Variants in DYNC2H1 observed in about 807,000 individuals in gnomAD.
The protein encoded by DYNC2H1 is cytoplasmic dynein 2 heavy chain 1.
DYNC2H1 carries 410 observed loss-of-function variants against 570.0 expected under a neutral mutation model. The observed-to-expected ratio is 0.72, with a 90% confidence interval of 0.66 to 0.78. DYNC2H1 has a LOEUF of 0.78. Among genes scored for constraint, DYNC2H1 ranks in the 30% least tolerant of loss-of-function variants. The pLI, the probability that DYNC2H1 is intolerant of heterozygous loss-of-function variation, is 0.00. For synonymous variants in DYNC2H1, 1,688 were observed against 1,677.6 expected, an observed-to-expected ratio of 1.01 and a Z score of -0.15; for missense variants, 4,865 against 5,046.4, an observed-to-expected ratio of 0.96 and a Z score of 1.09.
At chr11:103,405,259 A>C (rs1235861650) in intron 84 of DYNC2H1, 1 of 151,788 alleles carries the variant, frequency 6.6e-6, no homozygotes, top group Non-Finnish European at 1.5e-5. Flanking sequence ...ACTGGGAGAG[A>C]AAGGAGGAGA....
chr11:103,410,658 G>A (rs893508418), intron 84 of DYNC2H1, among the ~76,000 whole-genome samples: 4 of 152,072 alleles, frequency 2.6e-5, no homozygotes, highest in Non-Finnish European at 4.4e-5. Context: ...CTTAGCTGTC[G>A]TGTCTTCAGG....
Position 103,233,868 on chromosome 11 carries a change from GTGTGTGTGTGGGTT to G in DYNC2H1, c.9441-162_9441-149del, listed in dbSNP as rs1324030723. 1.6e-4 allele frequency among the ~76,000 whole-genome samples: 19 copies of G among 115,576 alleles called. No individual in the cohort carries two copies. In the East Asian group the frequency reaches 4.1e-3, roughly 25 times the overall value. 75.8% of individuals were successfully genotyped at this position (115,576 alleles called of 152,430 possible). ...TGTGTGTGTGTGTGTGTGTGTGTGTGTGTGTGTGTGGGTTTGTCTCTTCTATTAATGATACTTTG... is the reference window on the plus strand; with the variant it reads ...TGTGTGTGTGTGTGTGTGTGTGTGTGTGTCTCTTCTATTAATGATACTTTG... On this transcript the variant is annotated intron_variant, in intron 60 of 88. Transcript: ENST00000375735.
chr11:103,357,452 A>C (rs1940402996), intron 82 of DYNC2H1, among the ~76,000 whole-genome samples: 1 of 152,230 alleles, frequency 6.6e-6, no homozygotes, highest in African/African-American at 2.4e-5. Flanking sequence ...TAAATAACTT[A>C]TCAACCAGTA....
rs987893595 is a variant in DYNC2H1, at chr11:103,151,498, T to C, written c.2947-638T>C. ...TTATTGAATAGTAAAAGTACAGATA[T>C]TAATTATAGGATACTGTTGTTTTAC... On this transcript the variant is annotated intron_variant, in intron 20 of 88. Coordinates refer to ENST00000375735, the MANE Select transcript of DYNC2H1 (RefSeq NM_001377.3). This position sits in a 1 kb window ranked among gnomAD's most constrained non-coding sequence, Gnocchi z 4.6. Among the ~76,000 whole-genome samples, 9 of 152,166 alleles carry C rather than the reference T, an allele frequency of 5.9e-5. No homozygotes were observed. Among genetic ancestry groups the C allele is most frequent in the African/African-American group, 2.2e-4 (9 of 41,446 alleles).
Position 103,168,837 on chromosome 11 carries a change from A to G in DYNC2H1, c.4845A>G (p.Gln1615=). The G allele has an allele frequency of 6.2e-7, 1 of 1,613,372 alleles. No individual in the cohort carries two copies. The highest frequency in any genetic ancestry group is 8.5e-7 in the Non-Finnish European group (1 of 1,179,576). The change falls in exon 32 of 89, where the codon CAA becomes CAG. Residue 1615 remains glutamine (Q), a synonymous_variant. Coordinates refer to ENST00000375735, the MANE Select transcript of DYNC2H1 (RefSeq NM_001377.3). ...HNIDVVKQLN[Q]IQVHTTEDWA... is the part of the protein sequence containing the mutation. Reference sequence around the variant, plus strand: ...TTGATGTGGTAAAGCAGTTAAACCAAATTCAGGTTCATACAACTGAAGACT... The same window carrying G: ...TTGATGTGGTAAAGCAGTTAAACCAGATTCAGGTTCATACAACTGAAGACT...
At chr11:103,350,038 G>A (rs1939969303) in intron 82 of DYNC2H1, among the ~76,000 whole-genome samples, 1 of 152,036 alleles carries the variant, frequency 6.6e-6, no homozygotes, top group Non-Finnish European at 1.5e-5. Context: ...GTTTTGGGGG[G>A]ATATGGATTC....
intron 45 of DYNC2H1, among the ~76,000 whole-genome samples, chr11:103,190,053 T>C (rs966284754): frequency 6.6e-6 from 1 of 152,298 alleles, no homozygotes; most frequent in Admixed American, 6.5e-5. Context: ...TGGTAGATGG[T>C]TATTCTGCTG....
At position 103,384,300 on chromosome 11, in the gene DYNC2H1, A is replaced by G. The variant is rs532955912; in HGVS notation, c.12157-15363A>G. On this transcript the variant is annotated intron_variant, in intron 83 of 88. Coordinates refer to ENST00000375735, the MANE Select transcript of DYNC2H1 (RefSeq NM_001377.3). ...TCCCTTTAGCGCTTATGTTTTTCCTATTTTTCTGATATTAATATGTCAGTT... is the reference window on the plus strand; with the variant it reads ...TCCCTTTAGCGCTTATGTTTTTCCTGTTTTTCTGATATTAATATGTCAGTT... Among the ~76,000 whole-genome samples the G allele has an allele frequency of 3.4e-4, 52 of 151,554 alleles. No homozygotes were observed. The South Asian group carries it at 0.011, about 31-fold the overall frequency.
chr11:103,375,092 C>A (rs1318018331), intron 83 of DYNC2H1, among the ~76,000 whole-genome samples: 5 of 152,152 alleles, frequency 3.3e-5, no homozygotes, highest in African/African-American at 1.2e-4. Flanking sequence ...TCCACCTGCT[C>A]TAGCCATGGC....
Position 103,291,449 on chromosome 11 carries a change from A to AAATAAATAAAT in DYNC2H1, c.11095+3847_11095+3857dup, listed in dbSNP as rs1555091738. 5.3e-5 allele frequency among the ~76,000 whole-genome samples: 8 copies of AAATAAATAAAT among 152,134 alleles called. No individual in the cohort carries two copies. The South Asian group carries it at 1.5e-3, about 28-fold the overall frequency. ...CAAGCCTCCATCTCAATAAATAAAT[A>AAATAAATAAAT]AATAAATAAATAAATAATTTTTTAA... On this transcript the variant is annotated intron_variant, in intron 75 of 88. Coordinates refer to ENST00000375735, the MANE Select transcript of DYNC2H1 (RefSeq NM_001377.3).
chr11:103,234,517 A>C (rs1011277016), intron 61 of DYNC2H1, among the ~76,000 whole-genome samples: 4 of 151,942 alleles, frequency 2.6e-5, no homozygotes, highest in African/African-American at 9.7e-5. Flanking sequence ...TTTTCTTGAA[A>C]TATTTTATTA....
At chr11:103,321,872 T>A (rs1178681500) in intron 81 of DYNC2H1, among the ~76,000 whole-genome samples, 1 of 152,128 alleles carries the variant, frequency 6.6e-6, no homozygotes, top group Non-Finnish European at 1.5e-5. Flanking sequence ...AAATAATTCT[T>A]TATTAGAGTA....
At chr11:103,226,183 A>C (rs1863794755) in intron 59 of DYNC2H1, among the ~76,000 whole-genome samples, 2 of 152,106 alleles carry the variant, frequency 1.3e-5, no homozygotes, top group Admixed American at 1.3e-4. Context: ...CTTCCGCTTT[A>C]CCAATTTGGA....
intron 83 of DYNC2H1, among the ~76,000 whole-genome samples, chr11:103,382,173 A>G (rs978677376): frequency 6.6e-6 from 1 of 152,284 alleles, no homozygotes; most frequent in Non-Finnish European, 1.5e-5. Context: ...ACCAATTTAC[A>G]TCTACTTTAT....
At position 103,282,185 on chromosome 11, in the gene DYNC2H1, G is replaced by A. The variant is rs756315612; in HGVS notation, c.10768G>A (p.Asp3590Asn). 2 of 1,607,400 alleles carry A rather than the reference G, an allele frequency of 1.2e-6. No homozygotes were observed. The highest frequency in any genetic ancestry group is 1.7e-6 in the Non-Finnish European group (2 of 1,177,154). ...CTATATTTTTATTCAATAGGAATGG[G>A]ATACGTTTACAGGTGTGGTTGTTGG... ...HPELFQENEWDTFTGVVVGDM... is the reference protein window; with the variant it reads ...HPELFQENEWNTFTGVVVGDM... The change falls in exon 72 of 89, where the codon GAT becomes AAT. Residue 3590 changes from aspartate (D) to asparagine (N), a missense_variant. Asp to Asn is a conservative substitution (Grantham distance 23, BLOSUM62 1). This residue lies in a region of DYNC2H1 where 2,401 missense variants were observed against 2,454.6 expected (regional missense o/e 0.98). Coordinates refer to ENST00000375735, the MANE Select transcript of DYNC2H1 (RefSeq NM_001377.3).
chr11:103,191,198 C>A (rs1474605756), intron 45 of DYNC2H1, among the ~76,000 whole-genome samples: 2 of 151,604 alleles, frequency 1.3e-5, no homozygotes, highest in Non-Finnish European at 2.9e-5. Flanking sequence ...TGCCACCATG[C>A]CCAGCCAATT....
intron 63 of DYNC2H1, among the ~76,000 whole-genome samples, chr11:103,240,438 G>C (rs1445179965): frequency 6.6e-6 from 1 of 152,036 alleles, no homozygotes; most frequent in Admixed American, 6.6e-5. Flanking sequence ...CTCTAGTATA[G>C]AACTCATTTT....
intron 18 of DYNC2H1, among the ~76,000 whole-genome samples, chr11:103,147,418 T>G (rs1860291545): frequency 6.6e-6 from 1 of 152,124 alleles, no homozygotes; most frequent in Admixed American, 6.5e-5. Context: ...GTAAATTTAT[T>G]TTATAAATAT....
At chr11:103,194,718 A>G (rs72989776) in intron 47 of DYNC2H1, among the ~76,000 whole-genome samples, 7,557 of 151,604 alleles carry the variant, frequency 0.05, 253 homozygotes, top group Non-Finnish European at 0.072. Context: ...TTTCCAATCA[A>G]ATTTTTTTTT....
Sources: gnomAD v4.1 joint callset for allele counts (sites outside exome capture counted in the v4.1 genomes callset) on GRCh38, gnomAD v4.1.1 for gene constraint, gnomAD v4.1.1 regional missense constraint, Gnocchi (gnomAD v3.1) non-coding constraint, MANE v1.5 for transcripts, NCBI Gene and HGNC (gene_info 2026-07-23, HGNC 2026-07-21) for gene names.